ALAS1: variants seen among roughly 807,000 people sequenced by gnomAD.
The protein encoded by ALAS1 is 5'-aminolevulinate synthase 1.
Under a neutral mutation model 59.6 loss-of-function variants are expected in ALAS1, and 29 were observed. The ratio of observed to expected loss-of-function variants is 0.49; its 90% CI spans 0.36 to 0.66. ALAS1 has a LOEUF of 0.66. Among genes scored for constraint, ALAS1 ranks in the 30% least tolerant of loss-of-function variants. The pLI is 0.00. For missense variants in ALAS1, 690 were observed against 807.5 expected (o/e 0.85, Z 1.76); for synonymous variants, 299 against 296.6 (o/e 1.01, Z -0.08).
rs557897094 is a variant in ALAS1, at chr3:52,199,265, C to T, written c.24C>T (p.Cys8=). 2.0e-5 allele frequency: 32 copies of T among 1,614,202 alleles called. No individual in the cohort carries two copies. The East Asian group carries it at 4.7e-4, about 24-fold the overall frequency. Residue 8 remains cysteine (C), a synonymous_variant, in exon 3 of 12, where the codon TGC becomes TGT. Transcript: ENST00000484952. ...ACATGGAGAGTGTTGTTCGCCGCTG[C>T]CCATTCTTATCCCGAGTCCCCCAGG... is the stretch of plus-strand genomic sequence containing the variant. MESVVRR[C]PFLSRVPQAF...
chr3:52,212,485 T>C lies in ALAS1; in HGVS notation c.1762+65T>C, dbSNP rs544109603. 21 of 1,591,660 alleles carry C rather than the reference T, an allele frequency of 1.3e-5. No homozygotes were observed. In the African/African-American group the frequency reaches 2.5e-4, roughly 19 times the overall value. ...TGCATAAAGCTGTCTTTGCAGTGTT[T>C]ATAATTGAAGCCCTTCAGAGGCATT... On this transcript the variant is annotated intron_variant, in intron 11 of 11. Coordinates refer to ENST00000484952, the MANE Select transcript of ALAS1 (RefSeq NM_000688.6).
rs780502682 is a variant in ALAS1, at chr3:52,205,926, G to A, written c.888G>A (p.Glu296=). The A allele has an allele frequency of 1.2e-6, 2 of 1,614,210 alleles. No homozygotes were observed. The highest frequency in any genetic ancestry group is 3.3e-5 in the Admixed American group (2 of 60,024). ...TSKFHVDLER[E]LADLHGKDAA... is the part of the protein sequence containing the mutation. ...AATTCCATGTGGACTTAGAGCGGGAGCTGGCAGACCTCCATGGGAAAGATG... is the reference window on the plus strand; with the variant it reads ...AATTCCATGTGGACTTAGAGCGGGAACTGGCAGACCTCCATGGGAAAGATG... The change falls in exon 7 of 12, where the codon GAG becomes GAA. Residue 296 remains glutamate, a synonymous_variant. Transcript: ENST00000484952.
Position 52,205,973 on chromosome 3 carries a change from G to C in ALAS1, c.935G>C (p.Cys312Ser). 1 of 1,614,104 alleles carries C rather than the reference G, an allele frequency of 6.2e-7. No homozygotes were observed. The highest frequency in any genetic ancestry group is 1.3e-5 in the African/African-American group (1 of 75,048). ...GKDAALLFSS[C>S]FVANDSTLFT... is the part of the protein sequence containing the mutation. ...GATGCCGCACTCTTGTTTTCCTCGT[G>C]CTTTGTGGCCAATGACTCAACCCTC... Residue 312 changes from cysteine (C) to serine (S), a missense_variant, in exon 7 of 12, where the codon TGC becomes TCC. Cys to Ser is a moderately radical substitution (Grantham distance 112). Transcript: ENST00000484952.
At chr3:52,207,784 C>T (rs1350906975) in intron 8 of ALAS1, among the ~76,000 whole-genome samples, 2 of 152,104 alleles carry the variant, frequency 1.3e-5, no homozygotes, top group Admixed American at 6.5e-5. Context: ...TAGCTCCATC[C>T]GTATTGCTGT....
rs1699409015 is a variant in ALAS1 at position 52,211,530 on chromosome 3, C to T, written c.1578C>T (p.Pro526=). ...CCGGCCTCCCTGTTGTCCACTGCCC[C>T]AGCCACATCATCCCTGTGCGGGTAA... is the stretch of plus-strand genomic sequence containing the variant. ...MDAGLPVVHC[P]SHIIPVRVAD... is the part of the protein sequence containing the mutation. Residue 526 remains proline (P), a synonymous_variant, in exon 10 of 12, where the codon CCC becomes CCT. Transcript: ENST00000484952. 4 of 1,614,242 alleles carry T rather than the reference C, an allele frequency of 2.5e-6. No individual in the cohort carries two copies. Among genetic ancestry groups the T allele is most frequent in the Non-Finnish European group, 3.4e-6 (4 of 1,180,036 alleles).
chr3:52,198,599 C>T (rs1380915523), intron 1 of ALAS1, 73 bp from the exon 2 acceptor site: 5 of 598,216 alleles, frequency 8.4e-6, no homozygotes, highest in Non-Finnish European at 1.5e-5. Flanking sequence ...TTATAAGCCC[C>T]TGCGCGTCCC....
chr3:52,212,990 G>A (rs1167122058), intron 11 of ALAS1, among the ~76,000 whole-genome samples: 1 of 152,166 alleles, frequency 6.6e-6, no homozygotes, highest in East Asian at 1.9e-4. Flanking sequence ...CCTTGTCTAC[G>A]TGGCTGAAGG....
At chr3:52,208,711 G>A (rs1359710260) in intron 9 of ALAS1, among the ~76,000 whole-genome samples, 1 of 152,168 alleles carries the variant, frequency 6.6e-6, no homozygotes, top group Non-Finnish European at 1.5e-5. Context: ...TATGTCTCGT[G>A]GTAGATGGGA....
chr3:52,214,258 A>T lies in ALAS1; in HGVS notation c.*78A>T, dbSNP rs551184972. On this transcript the variant is annotated 3_prime_UTR_variant, in exon 12 of 12. Coordinates refer to ENST00000484952, the MANE Select transcript of ALAS1 (RefSeq NM_000688.6). ...TCTTCAGAGTTGTCTTTATATGTGA[A>T]TTAAGTTATATTAAATTTTAATCTA... 1.1e-4 allele frequency: 142 copies of T among 1,269,330 alleles called. No homozygotes were observed. In the African/African-American group the frequency reaches 1.8e-3, roughly 16 times the overall value. 78.6% of individuals were successfully genotyped at this position (1,269,330 alleles called of 1,614,324 possible). A position where few individuals can be genotyped will look rare whatever the true frequency, so the allele number is the denominator to read the frequency against.
intron 7 of ALAS1, 51 bp from the exon 8 acceptor site, chr3:52,206,521 A>G (rs1439011724): frequency 1.3e-6 from 2 of 1,567,222 alleles, no homozygotes; most frequent in Non-Finnish European, 1.7e-6. Context: ...TCTCTAGGAA[A>G]TAATTTGTCT....
chr3:52,206,743 C>A lies in ALAS1; in HGVS notation c.1157C>A (p.Ser386Ter). ...ATTGTGGCATTTGAAACTGTCCATT[C>A]AATGGATGGTAAGTGTGGATAGAGG... ...PKIVAFETVH[S>*]MDGAVCPLEE... Residue 386 changes from serine to a stop codon, truncating the protein, a stop_gained, in exon 8 of 12, where the codon TCA (serine) becomes TAA (stop). Coordinates refer to ENST00000484952, the MANE Select transcript of ALAS1 (RefSeq NM_000688.6). LOFTEE classifies it high-confidence loss of function. 6.2e-7 allele frequency: 1 copy of A among 1,614,030 alleles called. No homozygotes were observed. Among genetic ancestry groups the A allele is most frequent in the South Asian group, 1.1e-5 (1 of 91,062 alleles).
chr3:52,211,687 T>C (rs566732959), intron 10 of ALAS1, 136 bp downstream of exon 10: 16 of 1,277,482 alleles, frequency 1.3e-5, no homozygotes, highest in Non-Finnish European at 1.1e-6. Context: ...CCAGCCACCC[T>C]CTGTCATGTT....
intron 10 of ALAS1, 142 bp from the exon 11 acceptor site, chr3:52,212,116 G>A (rs1384153048): frequency 5.0e-5 from 37 of 736,902 alleles, no homozygotes; most frequent in Middle Eastern, 8.0e-4. Flanking sequence ...TTTGGGCAGC[G>A]CTTTCCCTCT....
intron 9 of ALAS1, among the ~76,000 whole-genome samples, chr3:52,209,264 G>A (rs1427488396): frequency 1.3e-5 from 2 of 152,034 alleles, no homozygotes; most frequent in African/African-American, 2.4e-5. Context: ...CTGGAGTGCA[G>A]TGGCGCGATC....
intron 4 of ALAS1, among the ~76,000 whole-genome samples, chr3:52,203,218 A>C (rs952413548): frequency 6.6e-6 from 1 of 152,210 alleles, no homozygotes; most frequent in Non-Finnish European, 1.5e-5. Context: ...GAAATTATGC[A>C]TATGGCCAAA....
intron 9 of ALAS1, among the ~76,000 whole-genome samples, chr3:52,209,738 G>A (rs563352888): frequency 6.6e-6 from 1 of 152,268 alleles, no homozygotes; most frequent in Non-Finnish European, 1.5e-5. Flanking sequence ...CTGTGCCCAG[G>A]TGTGATCACA....
At position 52,198,764 on chromosome 3, in the gene ALAS1, A is replaced by G; in HGVS notation, c.-117A>G. On this transcript the variant is annotated 5_prime_UTR_variant, in exon 2 of 12. Coordinates refer to ENST00000484952, the MANE Select transcript of ALAS1 (RefSeq NM_000688.6). ...CCTGCTGGACCCCTTCCTCGGGTTT[A>G]GGGGATGTGGGGACCAGGAGAAAGT... 1 of 1,529,622 alleles carries G rather than the reference A, an allele frequency of 6.5e-7. No individual in the cohort carries two copies. The highest frequency in any genetic ancestry group is 8.8e-7 in the Non-Finnish European group (1 of 1,141,494). 94.8% of individuals were successfully genotyped at this position (1,529,622 alleles called of 1,614,324 possible). A position where few individuals can be genotyped will look rare whatever the true frequency, so the allele number is the denominator to read the frequency against.
At chr3:52,210,163 A>G (rs1699377325) in intron 9 of ALAS1, among the ~76,000 whole-genome samples, 1 of 152,244 alleles carries the variant, frequency 6.6e-6, no homozygotes, top group Non-Finnish European at 1.5e-5. Flanking sequence ...GTAAAATTCC[A>G]GCCTCTGGGA....
At chr3:52,207,193 CAG>C (rs1435044203) in intron 8 of ALAS1, among the ~76,000 whole-genome samples, 2 of 151,988 alleles carry the variant, frequency 1.3e-5, no homozygotes, top group Admixed American at 6.6e-5. Context: ...TTAGTAGAGA[CAG>C]GGTTTCACCA....
Sources: gnomAD v4.1 joint callset for allele counts (sites outside exome capture counted in the v4.1 genomes callset) on GRCh38, gnomAD v4.1.1 for gene constraint, MANE v1.5 for transcripts, NCBI Gene and HGNC (gene_info 2026-07-23, HGNC 2026-07-21) for gene names.